Variants in COL13A1 observed in about 807,000 individuals in gnomAD.
COL13A1 encodes the protein collagen type XIII alpha 1 chain, also known as collagen alpha-1(XIII) chain.
Under a neutral mutation model 130.9 loss-of-function variants are expected in COL13A1, and 89 were observed. The ratio of observed to expected loss-of-function variants is 0.68; its 90% CI spans 0.57 to 0.81. The LOEUF is 0.81. COL13A1 is among the 30% of genes least tolerant of loss of function. The pLI, the probability that COL13A1 is intolerant of heterozygous loss-of-function variation, is 0.00. For missense variants in COL13A1, 879 were observed against 934.6 expected (o/e 0.94, Z 0.78); for synonymous variants, 402 against 341.6 (o/e 1.18, Z -1.95).
At chr10:69,895,693 G>A in intron 13 of COL13A1, 117 bp downstream of exon 13, 2 of 1,096,310 alleles carry the variant, frequency 1.8e-6, no homozygotes, top group Non-Finnish European at 1.4e-6. Flanking sequence ...GGGAGCAGGA[G>A]CACCCACTGC....
At chr10:69,925,105 G>T (rs1015498693) in intron 25 of COL13A1, 98 bp downstream of exon 25, 4 of 1,313,944 alleles carry the variant, frequency 3.0e-6, no homozygotes, top group Non-Finnish European at 4.0e-6. Flanking sequence ...AGTTTATTTT[G>T]CCAAGGTTAA....
At chr10:69,852,451 G>T (rs2133572318) in intron 2 of COL13A1, among the ~76,000 whole-genome samples, 1 of 152,354 alleles carries the variant, frequency 6.6e-6, no homozygotes, top group African/African-American at 2.4e-5. Context: ...TGCAGAGAAG[G>T]ACACTAAAGC....
chr10:69,951,703 T>C (rs752099011), intron 38 of COL13A1, among the ~76,000 whole-genome samples: 1 of 152,176 alleles, frequency 6.6e-6, no homozygotes, highest in Non-Finnish European at 1.5e-5. Flanking sequence ...TTGTACTCAT[T>C]TTACAGGTAA....
chr10:69,926,041 T>C, intron 26 of COL13A1, 169 bp downstream of exon 26: 1 of 590,870 alleles, frequency 1.7e-6, no homozygotes, highest in Non-Finnish European at 3.0e-6. Flanking sequence ...GACCTCCCGC[T>C]GTGTAGCCTC....
chr10:69,928,900 G>A (rs751928909), intron 27 of COL13A1, 37 bp from the exon 28 acceptor site: 1 of 1,553,920 alleles, frequency 6.4e-7, no homozygotes, highest in Non-Finnish European at 8.9e-7. Flanking sequence ...CTCCTCCATG[G>A]GACAGTTCTT....
chr10:69,867,451 C>T (rs1029636838), intron 2 of COL13A1, among the ~76,000 whole-genome samples: 1 of 152,136 alleles, frequency 6.6e-6, no homozygotes, highest in Non-Finnish European at 1.5e-5. Context: ...GCCTCGCTGC[C>T]CACTGTCCCG....
At position 69,903,591 on chromosome 10, in the gene COL13A1, C is replaced by T. The variant is rs78772111; in HGVS notation, c.858+736C>T. Among the ~76,000 whole-genome samples the T allele has an allele frequency of 5.0e-3, 761 of 152,340 alleles. 5 individuals carry two copies. Among genetic ancestry groups the T allele is most frequent in the Non-Finnish European group, 9.0e-3 (609 of 68,032 alleles). ...TGGACTTCAGAGAAAACGGGTCTTC[C>T]ACCCACCCGTAAGACTAATGTTATT... On this transcript the variant is annotated intron_variant, in intron 15 of 40. Transcript: ENST00000645393.
At chr10:69,906,754 CAG>C (rs1349383668) in intron 17 of COL13A1, among the ~76,000 whole-genome samples, 1 of 151,828 alleles carries the variant, frequency 6.6e-6, no homozygotes, top group African/African-American at 2.4e-5. Context: ...TTTTTTGAGA[CAG>C]AGTCTAACTC....
In COL13A1 at chr10:69,937,715, C is replaced by A. The variant is rs201399235; in HGVS notation, c.1878C>A (p.Pro626=). Residue 626 remains proline, a splice_region_variant and synonymous_variant, in exon 34 of 41, where the codon CCC becomes CCA. Coordinates refer to ENST00000645393, the MANE Select transcript of COL13A1 (RefSeq NM_001368882.1). ...GAGACCGTGGTCCCCTGGGACTACC[C>A]GTAAGTACCTTGGACCCAGCAAGAC... ...EKGDRGPLGL[P]GASGLDGRPG... 1.4e-6 allele frequency: 2 copies of A among 1,475,826 alleles called. No homozygotes were observed. Among genetic ancestry groups the A allele is most frequent in the Non-Finnish European group, 9.5e-7 (1 of 1,054,048 alleles). 91.4% of individuals were successfully genotyped at this position (1,475,826 alleles called of 1,614,324 possible).
intron 18 of COL13A1, 43 bp downstream of exon 18, chr10:69,917,376 T>C: frequency 6.4e-7 from 1 of 1,556,802 alleles, no homozygotes; most frequent in African/African-American, 1.4e-5. Context: ...CCAAGGCCCC[T>C]CCCCCAGTGC....
Position 69,958,963 on chromosome 10 carries a change from C to A in COL13A1, c.*262C>A. 1 of 499,250 alleles carries A rather than the reference C, an allele frequency of 2.0e-6. No homozygotes were observed. Among genetic ancestry groups the A allele is most frequent in the Non-Finnish European group, 3.5e-6 (1 of 287,590 alleles). The allele number at this position is 499,250 out of a possible 1,614,324, so 30.9% of individuals were successfully genotyped here. A position where few individuals can be genotyped will look rare whatever the true frequency, so the allele number is the denominator to read the frequency against. On this transcript the variant is annotated 3_prime_UTR_variant, in exon 41 of 41. Transcript: ENST00000645393. ...ATATTTGTGCACATTTATTAAGTATCGAAGCTTAATAAATTATTGTGTCCT... is the reference window on the plus strand; with the variant it reads ...ATATTTGTGCACATTTATTAAGTATAGAAGCTTAATAAATTATTGTGTCCT...
rs1362573497 is a variant in COL13A1 at position 69,919,670 on chromosome 10, C to T, written c.1032C>T (p.Asp344=). The T allele has an allele frequency of 5.0e-6, 2 of 398,682 alleles. No individual in the cohort carries two copies. The highest frequency in any genetic ancestry group is 8.8e-6 in the Non-Finnish European group (2 of 226,236). The allele number at this position is 398,682 out of a possible 1,614,324, so 24.7% of individuals were successfully genotyped here. The change falls in exon 21 of 41, where the codon GAC becomes GAT. Residue 344 remains aspartate (D), a synonymous_variant. Coordinates refer to ENST00000645393, the MANE Select transcript of COL13A1 (RefSeq NM_001368882.1). The part of the protein sequence containing the change: ...GEPGIPGTKG[D]PGAEGKPGPP... ...TTTCTCTTCTTACCCCAAAGGGAGA[C>T]CCAGGAGCAGAAGGGAAGCCGGGGC...
intron 18 of COL13A1, 67 bp from the exon 19 acceptor site, chr10:69,918,217 GC>G: frequency 6.3e-6 from 9 of 1,439,800 alleles, no homozygotes; most frequent in South Asian, 2.4e-5. Flanking sequence ...GCTGTCCACT[GC>G]CCCCCGCCCC....
intron 1 of COL13A1, among the ~76,000 whole-genome samples, chr10:69,812,775 A>G (rs1342523008): frequency 2.6e-5 from 4 of 152,336 alleles, no homozygotes; most frequent in African/African-American, 4.8e-5. Context: ...GCACCAACCT[A>G]CTCCATGCAA....
intron 1 of COL13A1, among the ~76,000 whole-genome samples, chr10:69,810,702 C>T (rs995189770): frequency 5.9e-5 from 9 of 152,218 alleles, no homozygotes; most frequent in Admixed American, 4.6e-4. Flanking sequence ...AATCAGCAGG[C>T]TTCTCCAAGG....
intron 2 of COL13A1, chr10:69,860,583 T>TG: frequency 6.3e-6 from 1 of 157,634 alleles, no homozygotes; most frequent in Non-Finnish European, 1.4e-5. Flanking sequence ...TACAGCTGGG[T>TG]GGGGGAGGGG....
At chr10:69,832,508 T>C (rs1849059355) in intron 2 of COL13A1, among the ~76,000 whole-genome samples, 1 of 152,202 alleles carries the variant, frequency 6.6e-6, no homozygotes, top group Non-Finnish European at 1.5e-5. Flanking sequence ...CGTGGCACAA[T>C]GGTAGTGCGT....
intron 2 of COL13A1, among the ~76,000 whole-genome samples, chr10:69,851,356 C>A (rs751177851): frequency 2.6e-5 from 4 of 152,200 alleles, no homozygotes; most frequent in African/African-American, 9.6e-5. Context: ...TTTCCCAGTG[C>A]CCTGGGGGAA....
intron 1 of COL13A1, among the ~76,000 whole-genome samples, chr10:69,818,742 G>T (rs1845266689): frequency 6.6e-6 from 1 of 152,214 alleles, no homozygotes; most frequent in Non-Finnish European, 1.5e-5. Flanking sequence ...GGATGGTCCA[G>T]CTCAAGCAGA....
Sources: gnomAD v4.1 joint callset for allele counts (sites outside exome capture counted in the v4.1 genomes callset) on GRCh38, gnomAD v4.1.1 for gene constraint, MANE v1.5 for transcripts, NCBI Gene and HGNC (gene_info 2026-07-23, HGNC 2026-07-21) for gene names.